Variants in NEGR1 observed in about 807,000 individuals in gnomAD.
NEGR1 encodes the protein IgLON family member 4.
A neutral mutation model predicts 40.9 loss-of-function variants in NEGR1; 10 were observed. The ratio of observed to expected loss-of-function variants is 0.24; its 90% CI spans 0.15 to 0.42. The LOEUF (loss-of-function observed/expected upper bound fraction) is 0.42. Among genes scored for constraint, NEGR1 ranks in the 10% least tolerant of loss-of-function variants. The probability of loss-of-function intolerance (pLI) is 1.00; values close to 1 mark genes in which losing one functional copy is unlikely to be tolerated. For missense variants in NEGR1, 352 were observed against 438.9 expected (o/e 0.80, Z 1.77); for synonymous variants, 185 against 166.8 (o/e 1.11, Z -0.84).
chr1:71,735,374 A>G (rs1655012365), intron 3 of NEGR1, among the ~76,000 whole-genome samples: 1 of 152,116 alleles, frequency 6.6e-6, no homozygotes, highest in Non-Finnish European at 1.5e-5. Flanking sequence ...AGCTGTTGAG[A>G]GCACAAAATA....
intron 6 of NEGR1, among the ~76,000 whole-genome samples, chr1:71,430,905 G>A (rs963691201): frequency 6.6e-6 from 1 of 151,644 alleles, no homozygotes; most frequent in Non-Finnish European, 1.5e-5. Context: ...GACTACAGGC[G>A]CCCACCACCG....
chr1:72,015,935 A>G (rs1033172098), intron 1 of NEGR1, among the ~76,000 whole-genome samples: 7 of 152,156 alleles, frequency 4.6e-5, no homozygotes, highest in African/African-American at 1.7e-4. Context: ...CTAAACATGA[A>G]CGCAAATCTA....
intron 5 of NEGR1, among the ~76,000 whole-genome samples, chr1:71,600,271 A>G (rs192749550): frequency 1.4e-4 from 22 of 152,340 alleles, no homozygotes; most frequent in Admixed American, 2.0e-4. Flanking sequence ...CATGCCAAAT[A>G]CCATGATAAG....
chr1:71,694,429 T>C (rs1422028663), intron 4 of NEGR1, among the ~76,000 whole-genome samples: 1 of 151,738 alleles, frequency 6.6e-6, no homozygotes, highest in Non-Finnish European at 1.5e-5. Flanking sequence ...TACTTAGAAA[T>C]AACCCATTGC....
intron 1 of NEGR1, among the ~76,000 whole-genome samples, chr1:72,193,812 T>C (rs980001372): frequency 2.0e-5 from 3 of 151,764 alleles, no homozygotes; most frequent in Non-Finnish European, 3.0e-5. Context: ...TTAAGGTGTA[T>C]CCCAGATCAA....
intron 6 of NEGR1, among the ~76,000 whole-genome samples, chr1:71,421,083 T>C (rs1646390727): frequency 6.6e-6 from 1 of 152,060 alleles, no homozygotes; most frequent in Non-Finnish European, 1.5e-5. Context: ...TTTGAACTTT[T>C]TTAGTACCTC....
At chr1:72,221,717 T>C (rs889375877) in intron 1 of NEGR1, among the ~76,000 whole-genome samples, 2 of 152,186 alleles carry the variant, frequency 1.3e-5, no homozygotes, top group Non-Finnish European at 2.9e-5. Context: ...TAATTTTTTT[T>C]ACACCAAGTC....
rs187035590 is a variant in NEGR1 at position 71,655,156 on chromosome 1, T to C, written c.667+42852A>G. 5.9e-5 allele frequency among the ~76,000 whole-genome samples: 9 copies of C among 152,316 alleles called. No individual in the cohort carries two copies. In the East Asian group the frequency reaches 1.5e-3, roughly 26 times the overall value. ...TTATTCAAGGAGATTTTATTGAGTA[T>C]CTTTATTTTGGCAGAGTCTAGAACT... On this transcript the variant is annotated intron_variant, in intron 4 of 6. Transcript: ENST00000357731.
At chr1:71,819,840 A>T (rs1658361403) in intron 2 of NEGR1, among the ~76,000 whole-genome samples, 1 of 152,008 alleles carries the variant, frequency 6.6e-6, no homozygotes, top group African/African-American at 2.4e-5. Context: ...TTCAATGTAC[A>T]GTTGAAAGAC....
At chr1:71,756,407 C>CAAAAAAA (rs869043335) in intron 3 of NEGR1, among the ~76,000 whole-genome samples, 3 of 45,736 alleles carry the variant, frequency 6.6e-5, no homozygotes, top group Admixed American at 2.8e-4. Context: ...AAAACAAAAA[C>CAAAAAAA]AAACAAAAAA....
intron 1 of NEGR1, among the ~76,000 whole-genome samples, chr1:72,240,180 G>T (rs1654686894): frequency 6.6e-6 from 1 of 151,812 alleles, no homozygotes; most frequent in Non-Finnish European, 1.5e-5. Context: ...ATTATCCAAA[G>T]AAATCAGCAG....
chr1:71,776,581 T>A (rs1165610244), intron 2 of NEGR1, among the ~76,000 whole-genome samples: 1 of 152,306 alleles, frequency 6.6e-6, no homozygotes, highest in East Asian at 1.9e-4. Flanking sequence ...TATGAGTAAT[T>A]TGTGTTAAGT....
At chr1:72,228,800 G>A (rs998437169) in intron 1 of NEGR1, among the ~76,000 whole-genome samples, 20 of 152,198 alleles carry the variant, frequency 1.3e-4, no homozygotes, top group African/African-American at 4.8e-4. Context: ...TAATTCTGTG[G>A]CATTTTAATA....
intron 2 of NEGR1, among the ~76,000 whole-genome samples, chr1:71,906,503 G>T (rs1570486514): frequency 6.7e-6 from 1 of 148,326 alleles, no homozygotes; most frequent in Non-Finnish European, 1.5e-5. Context: ...GTTGAGATCT[G>T]AATCTCCTTC....
intron 2 of NEGR1, among the ~76,000 whole-genome samples, chr1:71,934,809 C>G (rs756606701): frequency 1.3e-5 from 2 of 151,796 alleles, no homozygotes; most frequent in Non-Finnish European, 2.9e-5. Context: ...ACTTGCATAC[C>G]TTTTTTTAAA....
At chr1:71,629,697 T>C (rs1650909141) in intron 4 of NEGR1, among the ~76,000 whole-genome samples, 1 of 151,976 alleles carries the variant, frequency 6.6e-6, no homozygotes, top group African/African-American at 2.4e-5. Context: ...GACATGATTG[T>C]ATGTGTAGAA....
chr1:71,477,787 T>A (rs1248023460), intron 6 of NEGR1, among the ~76,000 whole-genome samples: 1 of 152,056 alleles, frequency 6.6e-6, no homozygotes, highest in Non-Finnish European at 1.5e-5. Flanking sequence ...TCATTATAGT[T>A]GTTTTCTGTG....
intron 1 of NEGR1, among the ~76,000 whole-genome samples, chr1:72,184,365 T>C (rs558147292): frequency 3.9e-4 from 59 of 151,994 alleles, no homozygotes; most frequent in African/African-American, 1.4e-3. Flanking sequence ...GCAAAGGAGG[T>C]ACCAAATAAG....
intron 6 of NEGR1, among the ~76,000 whole-genome samples, chr1:71,423,831 T>C (rs200890820): frequency 4.1e-4 from 49 of 118,664 alleles, no homozygotes; most frequent in Middle Eastern, 4.1e-3. Flanking sequence ...CCACCCCCCC[T>C]TTTTTTTTTT....
Sources: gnomAD v4.1 joint callset for allele counts (sites outside exome capture counted in the v4.1 genomes callset) on GRCh38, gnomAD v4.1.1 for gene constraint, MANE v1.5 for transcripts, NCBI Gene and HGNC (gene_info 2026-07-23, HGNC 2026-07-21) for gene names.